SNTB1: variants seen among roughly 807,000 people sequenced by gnomAD.
SNTB1 encodes the protein beta-1-syntrophin.
In SNTB1, 36 loss-of-function variants were observed where a neutral mutation model predicts 48.9. That is an observed-to-expected ratio of 0.74 (90% CI 0.56 to 0.97). The LOEUF (loss-of-function observed/expected upper bound fraction) is 0.97. Ranked by LOEUF, SNTB1 falls within the 50% of genes least tolerant of loss-of-function variation. The probability of loss-of-function intolerance (pLI) is 0.00; values close to 1 mark genes in which losing one functional copy is unlikely to be tolerated. For synonymous variants in SNTB1, 299 were observed against 294.6 expected (o/e 1.01, Z -0.15); for missense variants, 786 against 703.4 (o/e 1.12, Z -1.33).
At chr8:120,633,545 C>T (rs1199153765) in intron 2 of SNTB1, among the ~76,000 whole-genome samples, 4 of 152,084 alleles carry the variant, frequency 2.6e-5, no homozygotes, top group Non-Finnish European at 4.4e-5. Context: ...GCAGAAGTTG[C>T]AGTGAGCCGA....
At chr8:120,747,144 G>T (rs944680300) in intron 1 of SNTB1, among the ~76,000 whole-genome samples, 3 of 152,022 alleles carry the variant, frequency 2.0e-5, no homozygotes, top group Admixed American at 1.3e-4. Context: ...GTTTAAATAG[G>T]CATACCCCAT....
intron 2 of SNTB1, among the ~76,000 whole-genome samples, chr8:120,681,953 A>G (rs988941583): frequency 1.2e-4 from 19 of 152,362 alleles, no homozygotes; most frequent in Middle Eastern, 3.4e-3. Context: ...AGAAAAGTAA[A>G]AAGAGAGAAT....
rs371871932 is a variant in SNTB1 at position 120,622,169 on chromosome 8, G to A, written c.996+10275C>T. On this transcript the variant is annotated intron_variant, in intron 3 of 6. Transcript: ENST00000517992. ...TTAGGGCCTCTCTCTCTGAATCACT[G>A]TGATAAAGTGACTAACGTAATTCTG... is the stretch of plus-strand genomic sequence containing the variant. Among the ~76,000 whole-genome samples, 159 of 152,254 alleles carry A rather than the reference G, an allele frequency of 1.0e-3. 3 individuals are homozygous for A. In the South Asian group the frequency reaches 0.033, roughly 31 times the overall value.
chr8:120,645,329 T>C (rs1009032481), intron 2 of SNTB1, among the ~76,000 whole-genome samples: 5 of 150,026 alleles, frequency 3.3e-5, no homozygotes, highest in African/African-American at 9.7e-5. Flanking sequence ...CCATATTGAA[T>C]TGATTTTTGT....
At chr8:120,797,798 T>C (rs1366892800) in intron 1 of SNTB1, among the ~76,000 whole-genome samples, 1 of 151,950 alleles carries the variant, frequency 6.6e-6, no homozygotes, top group Non-Finnish European at 1.5e-5. Context: ...ACCTCAGCCC[T>C]ATAAAGAAAG....
chr8:120,753,689 CA>C (rs2130041561), intron 1 of SNTB1, among the ~76,000 whole-genome samples: 1 of 152,262 alleles, frequency 6.6e-6, no homozygotes, highest in South Asian at 2.1e-4. Flanking sequence ...AGAGAAGCAT[CA>C]GGTGTGTGCG....
intron 2 of SNTB1, among the ~76,000 whole-genome samples, chr8:120,640,984 G>A (rs1256951265): frequency 2.6e-5 from 4 of 152,032 alleles, no homozygotes; most frequent in Non-Finnish European, 5.9e-5. Flanking sequence ...GGTAGAATTC[G>A]GCTGTGAATC....
rs939421747 is a variant in SNTB1, at chr8:120,793,133, T to C, written c.571+18140A>G. On this transcript the variant is annotated intron_variant, in intron 1 of 6. Transcript: ENST00000517992. ...GGAGATGCAACTGGGATGGAATGAG[T>C]TAAAAAAAAATCACTCAGGATTTCT... Among the ~76,000 whole-genome samples, 5 of 151,226 alleles carry C rather than the reference T, an allele frequency of 3.3e-5. No homozygotes were observed. The East Asian group carries it at 9.7e-4, about 29-fold the overall frequency.
At position 120,561,684 on chromosome 8, in the gene SNTB1, T is replaced by C. The variant is rs554390898; in HGVS notation, c.1137-12726A>G. Among the ~76,000 whole-genome samples, 16 of 152,342 alleles carry C rather than the reference T, an allele frequency of 1.1e-4. 1 individual carries two copies. The South Asian group carries it at 3.3e-3, about 32-fold the overall frequency. On this transcript the variant is annotated intron_variant, in intron 4 of 6. Transcript: ENST00000517992. ...GTATAAAAAGATCTTTAGAAATGTC[T>C]CCATGTATGGTAATGACTAAAATCA... is the stretch of plus-strand genomic sequence containing the variant.
intron 1 of SNTB1, among the ~76,000 whole-genome samples, chr8:120,702,768 C>A (rs1300511814): frequency 2.0e-5 from 3 of 152,200 alleles, no homozygotes. Context: ...TGAATGACTA[C>A]TTTACAAACT....
At chr8:120,718,304 C>G (rs141548606) in intron 1 of SNTB1, among the ~76,000 whole-genome samples, 1 of 152,322 alleles carries the variant, frequency 6.6e-6, no homozygotes, top group African/African-American at 2.4e-5. Context: ...AAGGGAGCCA[C>G]GTTTACAGGG....
rs1818469899 is a variant in SNTB1 at position 120,711,936 on chromosome 8, T to G, written c.572-18028A>C. ...TATGTTTTAAATGGAAGCTTCTGCT[T>G]TAAGAAAGTCCACCCACATTATACA... On this transcript the variant is annotated intron_variant, in intron 1 of 6. Transcript: ENST00000517992. Among the ~76,000 whole-genome samples, 5 of 152,270 alleles carry G rather than the reference T, an allele frequency of 3.3e-5. No homozygotes were observed. In the South Asian group the frequency reaches 8.3e-4, roughly 25 times the overall value.
intron 1 of SNTB1, among the ~76,000 whole-genome samples, chr8:120,699,103 T>A (rs1345511131): frequency 1.3e-5 from 2 of 152,194 alleles, no homozygotes; most frequent in Admixed American, 6.5e-5. Flanking sequence ...CTGCTCTGTA[T>A]CCCTGGTGTG....
At chr8:120,670,666 G>T (rs1365006587) in intron 2 of SNTB1, among the ~76,000 whole-genome samples, 1 of 152,172 alleles carries the variant, frequency 6.6e-6, no homozygotes, top group Non-Finnish European at 1.5e-5. Flanking sequence ...TCTCCTGGGG[G>T]AACCTAGATC....
chr8:120,801,086 CAT>C (rs1430610083), intron 1 of SNTB1, among the ~76,000 whole-genome samples: 1 of 151,810 alleles, frequency 6.6e-6, no homozygotes, highest in Non-Finnish European at 1.5e-5. Context: ...ATGCTGTAAT[CAT>C]ATGTTATTTT....
rs1387377759 is a variant in SNTB1, at chr8:120,631,591, A to T, written c.996+853T>A. Among the ~76,000 whole-genome samples the T allele has an allele frequency of 7.7e-4, 118 of 152,262 alleles. 1 individual carries two copies. Among genetic ancestry groups the T allele is most frequent in the Non-Finnish European group, 3.4e-4 (23 of 68,010 alleles). On this transcript the variant is annotated intron_variant, in intron 3 of 6. Transcript: ENST00000517992. ...CACTGGGAGGTCAGATTATTCCCAA[A>T]GTCCAGTGTTCCTGAGCACTCCAGG... is the stretch of plus-strand genomic sequence containing the variant.
chr8:120,561,519 CT>C (rs534683549), intron 4 of SNTB1, among the ~76,000 whole-genome samples: 4 of 151,812 alleles, frequency 2.6e-5, no homozygotes, highest in East Asian at 3.9e-4. Flanking sequence ...TTGAAGTTAA[CT>C]TTTTTTTAAT....
chr8:120,783,005 G>T (rs1043487890), intron 1 of SNTB1, among the ~76,000 whole-genome samples: 1 of 152,094 alleles, frequency 6.6e-6, no homozygotes, highest in African/African-American at 2.4e-5. Context: ...CTCTTAATGA[G>T]TGTGTCTAAT....
At chr8:120,597,915 C>T (rs754005034) in intron 3 of SNTB1, among the ~76,000 whole-genome samples, 11 of 152,154 alleles carry the variant, frequency 7.2e-5, no homozygotes, top group Non-Finnish European at 1.2e-4. Context: ...ATAATTCCAA[C>T]AAAAATCAAG....
Sources: gnomAD v4.1 joint callset for allele counts (sites outside exome capture counted in the v4.1 genomes callset) on GRCh38, gnomAD v4.1.1 for gene constraint, MANE v1.5 for transcripts, NCBI Gene and HGNC (gene_info 2026-07-23, HGNC 2026-07-21) for gene names.